The following ANKH variants were observed in gnomAD, a reference collection of about 807,000 sequenced individuals.
ANKH encodes mineralization regulator ANKH.
A neutral mutation model predicts 49.0 loss-of-function variants in ANKH; 15 were observed. The ratio of observed to expected loss-of-function variants is 0.31; its 90% CI spans 0.20 to 0.47. The LOEUF is 0.47. ANKH is among the 20% of genes least tolerant of loss of function. The pLI, the probability that ANKH is intolerant of heterozygous loss-of-function variation, is 1.00. For synonymous variants in ANKH, 273 were observed against 260.0 expected (o/e 1.05, Z -0.48); for missense variants, 429 against 652.0 (o/e 0.66, Z 3.72).
At chr5:14,816,052 G>A (rs1741027444) in intron 1 of ANKH, among the ~76,000 whole-genome samples, 1 of 152,194 alleles carries the variant, frequency 6.6e-6, no homozygotes, top group Non-Finnish European at 1.5e-5. Context: ...GTTTGACTAA[G>A]CACTGGGGAT....
chr5:14,776,112 G>T (rs1467473796), intron 1 of ANKH, among the ~76,000 whole-genome samples: 1 of 152,222 alleles, frequency 6.6e-6, no homozygotes, highest in African/African-American at 2.4e-5. Flanking sequence ...TGGGCAGGGG[G>T]CCGCCCCCCG....
At chr5:14,871,299 C>G (rs764224669) in intron 1 of ANKH, 53 bp downstream of exon 1, 1 of 1,504,290 alleles carries the variant, frequency 6.6e-7, no homozygotes, top group South Asian at 1.1e-5. Flanking sequence ...CGTGTCCGGG[C>G]GTGTAAGGCC....
intron 8 of ANKH, 134 bp from the exon 9 acceptor site, chr5:14,716,969 G>T (rs915696897): frequency 8.0e-6 from 9 of 1,120,732 alleles, no homozygotes; most frequent in Non-Finnish European, 1.3e-6. Context: ...GGGCATGCTG[G>T]TCCCAGATCT....
In ANKH at chr5:14,781,790, C is replaced by T. The variant is rs575773708; in HGVS notation, c.97-12599G>A. Among the ~76,000 whole-genome samples, 8 of 152,266 alleles carry T rather than the reference C, an allele frequency of 5.3e-5. No individual in the cohort carries two copies. The South Asian group carries it at 1.7e-3, about 32-fold the overall frequency. ...CCTGTGCCATTTAAGAATGCTTATT[C>T]CCCACCTCAATCTCACAGCTTTACT... On this transcript the variant is annotated intron_variant, in intron 1 of 11. Transcript: ENST00000284268.
chr5:14,711,281 C>T lies in ANKH; in HGVS notation c.1395G>A (p.Thr465=), dbSNP rs368395828. Residue 465 remains threonine, a synonymous_variant, in exon 12 of 12, where the codon ACG becomes ACA. Coordinates refer to ENST00000284268, the MANE Select transcript of ANKH (RefSeq NM_054027.6). The part of the protein sequence containing the change: ...QKKKMENESA[T]EGEDSAMTDM... ...CTGTCATGGCAGAGTCTTCCCCCTC[C>T]GTGGCCGACTCATTCTCCATCTTCT... is the stretch of plus-strand genomic sequence containing the variant. The T allele has an allele frequency of 1.5e-5, 25 of 1,614,018 alleles. No individual in the cohort carries two copies. The highest frequency in any genetic ancestry group is 1.6e-4 in the Middle Eastern group (1 of 6,084).
chr5:14,819,930 C>CAG (rs1561070241), intron 1 of ANKH, among the ~76,000 whole-genome samples: 4 of 142,520 alleles, frequency 2.8e-5, no homozygotes, highest in Non-Finnish European at 6.1e-5. Context: ...CACACACACA[C>CAG]ACACACACAT....
rs958584025 is a variant in ANKH, at chr5:14,706,306, T to C, written c.*4891A>G. The C allele has an allele frequency of 2.0e-5, 3 of 152,212 alleles. No individual in the cohort carries two copies. Among genetic ancestry groups the C allele is most frequent in the Admixed American group, 1.3e-4 (2 of 15,282 alleles). The allele number at this position is 152,212 out of a possible 1,614,324, so 9.4% of individuals were successfully genotyped here. A position where few individuals can be genotyped will look rare whatever the true frequency, so the allele number is the denominator to read the frequency against. ...GCAGTCTTTTAGAGATCCTGGTTGA[T>C]TGCAAATGAAGCAGAGAAAAACATT... On this transcript the variant is annotated 3_prime_UTR_variant, in exon 12 of 12. Transcript: ENST00000284268.
At chr5:14,827,150 A>G (rs1360615862) in intron 1 of ANKH, among the ~76,000 whole-genome samples, 1 of 152,252 alleles carries the variant, frequency 6.6e-6, no homozygotes, top group Non-Finnish European at 1.5e-5. Flanking sequence ...CGCACACTCC[A>G]GTCCATGGCT....
At position 14,713,675 on chromosome 5, in the gene ANKH, G is replaced by A; in HGVS notation, c.1142-8C>T. 6.2e-7 allele frequency: 1 copy of A among 1,613,718 alleles called. No individual in the cohort carries two copies. The highest frequency in any genetic ancestry group is 8.5e-7 in the Non-Finnish European group (1 of 1,179,968). On this transcript the variant is annotated splice_polypyrimidine_tract_variant and splice_region_variant and intron_variant, in intron 9 of 11. Coordinates refer to ENST00000284268, the MANE Select transcript of ANKH (RefSeq NM_054027.6). This position sits in a 1 kb window ranked among gnomAD's most constrained non-coding sequence, Gnocchi z 4.4. ...GATGCGCCCTCACTGTGACTGTTGG[G>A]AGGAGCAAAGGACTCGTCAGCCGTG...
intron 8 of ANKH, among the ~76,000 whole-genome samples, chr5:14,728,959 A>G (rs1229121641): frequency 6.6e-6 from 1 of 152,170 alleles, no homozygotes; most frequent in East Asian, 1.9e-4. Context: ...GGCCCTCTCC[A>G]CTACACATGG....
chr5:14,811,374 G>A (rs1314229066), intron 1 of ANKH, among the ~76,000 whole-genome samples: 1 of 152,180 alleles, frequency 6.6e-6, no homozygotes, highest in Non-Finnish European at 1.5e-5. Flanking sequence ...TGGCCACTCA[G>A]ACACACACTT....
intron 1 of ANKH, 24 bp from the exon 2 acceptor site, chr5:14,769,215 C>G (rs757117943): frequency 1.3e-6 from 2 of 1,582,898 alleles, no homozygotes; most frequent in African/African-American, 2.7e-5. Flanking sequence ...AAAAAACCCA[C>G]AAGCATTAGA....
chr5:14,791,448 T>C (rs1006761412), intron 1 of ANKH, among the ~76,000 whole-genome samples: 20 of 152,220 alleles, frequency 1.3e-4, no homozygotes, highest in African/African-American at 4.8e-4. Flanking sequence ...ATACCAAGTC[T>C]GTCTGCTGCC....
chr5:14,732,252 C>T (rs1738027945), intron 8 of ANKH, among the ~76,000 whole-genome samples: 1 of 152,088 alleles, frequency 6.6e-6, no homozygotes, highest in South Asian at 2.1e-4. Flanking sequence ...GCTCTGGTAG[C>T]ACCATCTGTG....
chr5:14,800,206 A>C (rs1227349174), intron 1 of ANKH, among the ~76,000 whole-genome samples: 2 of 152,238 alleles, frequency 1.3e-5, no homozygotes, highest in Non-Finnish European at 2.9e-5. Context: ...ACTTCAATAG[A>C]TGAGGAGCTG....
At chr5:14,835,262 G>C (rs1250333490) in intron 1 of ANKH, among the ~76,000 whole-genome samples, 3 of 152,200 alleles carry the variant, frequency 2.0e-5, no homozygotes. Flanking sequence ...TGAAAGAGAT[G>C]AGTGTTGCTC....
chr5:14,733,297 A>G (rs1738063110), intron 8 of ANKH, among the ~76,000 whole-genome samples: 1 of 152,206 alleles, frequency 6.6e-6, no homozygotes, highest in South Asian at 2.1e-4. Context: ...TGGCACCATT[A>G]AAACCCATTT....
intron 1 of ANKH, among the ~76,000 whole-genome samples, chr5:14,839,560 A>G (rs1441392251): frequency 6.6e-6 from 1 of 151,694 alleles, no homozygotes; most frequent in Non-Finnish European, 1.5e-5. Context: ...TCAGTATAAG[A>G]AAGGGTTTTT....
At chr5:14,843,320 C>T (rs1005419985) in intron 1 of ANKH, among the ~76,000 whole-genome samples, 5 of 151,744 alleles carry the variant, frequency 3.3e-5, no homozygotes, top group East Asian at 1.9e-4. Context: ...GGACTACAGG[C>T]GTATGCCACC....
Sources: gnomAD v4.1 joint callset for allele counts (sites outside exome capture counted in the v4.1 genomes callset) on GRCh38, gnomAD v4.1.1 for gene constraint, Gnocchi (gnomAD v3.1) non-coding constraint, MANE v1.5 for transcripts, NCBI Gene and HGNC (gene_info 2026-07-23, HGNC 2026-07-21) for gene names.